The following COMMD5 variants were observed in gnomAD, a reference collection of about 807,000 sequenced individuals.
The protein encoded by COMMD5 is COMM domain-containing protein 5.
A neutral mutation model predicts 6.9 loss-of-function variants in COMMD5; 10 were observed. The observed-to-expected ratio is 1.44, with a 90% CI of 0.89 to 2.45. The LOEUF (loss-of-function observed/expected upper bound fraction) is 2.45. COMMD5 is among the 30% of genes most tolerant of loss of function. The probability of loss-of-function intolerance (pLI) is 0.00; values close to 1 mark genes in which losing one functional copy is unlikely to be tolerated. For missense variants in COMMD5, 234 were observed against 287.8 expected (o/e 0.81, Z 1.35); for synonymous variants, 127 against 125.3 (o/e 1.01, Z -0.09).
At chr8:144,842,008 A>G in intron 1 of COMMD5, 1 of 1,614,204 alleles carries the variant, frequency 6.2e-7, no homozygotes, top group Non-Finnish European at 8.5e-7. Context: ...AAGAATCCAC[A>G]CTGGGGAGAA....
rs1830688595 is a variant in COMMD5, at chr8:144,850,588, AAG to A, written c.*74_*75del. Reference sequence around the variant, plus strand: ...ATGGGAAGGGCAGGGCTGTCGTGGGAAGAGTCAGCTGCACTTTGGCACCATCT... The same window carrying A: ...ATGGGAAGGGCAGGGCTGTCGTGGGAAGTCAGCTGCACTTTGGCACCATCT... On this transcript the variant is annotated 3_prime_UTR_variant, in exon 2 of 2. Transcript: ENST00000305103. The surrounding 1 kb of genome is among the most constrained non-coding windows in gnomAD (Gnocchi z 4.0). The A allele has an allele frequency of 3.3e-6, 5 of 1,500,046 alleles. No homozygotes were observed. In the South Asian group the frequency reaches 5.0e-5, roughly 15 times the overall value. The allele number at this position is 1,500,046 out of a possible 1,614,324, so 92.9% of individuals were successfully genotyped here.
chr8:144,847,645 C>T (rs533184237), downstream of COMMD5: 7 of 152,284 alleles, frequency 4.6e-5, no homozygotes, highest in East Asian at 1.3e-3. Flanking sequence ...TTTATAAATC[C>T]TCAAGTCCCC....
Position 144,842,024 on chromosome 8 carries a change from A to G in COMMD5, c.*117-281T>C, listed in dbSNP as rs746650017. On this transcript the variant is annotated intron_variant and NMD_transcript_variant, in intron 1 of 1. Coordinates refer to the COMMD5 transcript ENST00000530332. Reference sequence around the variant, plus strand: ...AGAATCCACACTGGGGAGAAGCCCTACAGATGTGAGGAATGTGGAAAAGCT... The same window carrying G: ...AGAATCCACACTGGGGAGAAGCCCTGCAGATGTGAGGAATGTGGAAAAGCT... 59 of 1,614,108 alleles carry G rather than the reference A, an allele frequency of 3.7e-5. No individual in the cohort carries two copies. Among genetic ancestry groups the G allele is most frequent in the Admixed American group, 2.0e-4 (12 of 60,004 alleles).
chr8:144,842,910 AAT>A (rs1254977519), intron 1 of COMMD5: 1 of 1,614,084 alleles, frequency 6.2e-7, no homozygotes, highest in East Asian at 2.2e-5. Flanking sequence ...AACACCAGAG[AAT>A]ACACACTAGG....
intron 1 of COMMD5, chr8:144,842,796 T>G (rs372273522): frequency 1.2e-6 from 2 of 1,614,024 alleles, no homozygotes; most frequent in African/African-American, 2.7e-5. Context: ...AAGCCTTCAG[T>G]CAAAACTCAA....
chr8:144,850,903 C>G lies in COMMD5; in HGVS notation c.436G>C (p.Gly146Arg), dbSNP rs754071595. 7 of 1,609,598 alleles carry G rather than the reference C, an allele frequency of 4.3e-6. No individual in the cohort carries two copies. The South Asian group carries it at 7.7e-5, about 18-fold the overall frequency. Reference sequence around the variant, plus strand: ...TCAGCAACATGCGGCAGCCAGGCCCCCTGCTGCTGGGCCACAGAATCAAGG... The same window carrying G: ...TCAGCAACATGCGGCAGCCAGGCCCGCTGCTGCTGGGCCACAGAATCAAGG... Reference protein sequence around the residue: ...PLLDSVAQQQGAWLPHVADFR... With the variant: ...PLLDSVAQQQRAWLPHVADFR... Residue 146 changes from glycine (G) to arginine (R), a missense_variant, in exon 2 of 2, where the codon GGG becomes CGG. By Grantham distance (125) the Gly-to-Arg change is moderately radical. Coordinates refer to ENST00000305103, the MANE Select transcript of COMMD5 (RefSeq NM_014066.4). This position sits in a 1 kb window ranked among gnomAD's most constrained non-coding sequence, Gnocchi z 4.0.
At chr8:144,846,419 C>G, downstream of COMMD5, 1 of 475,428 alleles carries the variant, frequency 2.1e-6, no homozygotes. Flanking sequence ...TGACTGTGCA[C>G]AGTGTCCCTG....
chr8:144,850,633 C>A lies in COMMD5; in HGVS notation c.*31G>T. The A allele has an allele frequency of 6.3e-7, 1 of 1,591,504 alleles. No individual in the cohort carries two copies. The highest frequency in any genetic ancestry group is 2.3e-5 in the East Asian group (1 of 44,406). On this transcript the variant is annotated 3_prime_UTR_variant, in exon 2 of 2. Transcript: ENST00000305103. This position sits in a 1 kb window ranked among gnomAD's most constrained non-coding sequence, Gnocchi z 4.0. Reference sequence around the variant, plus strand: ...CACCATCTCAGGTGCCTGTCCAAGCCGGATCTGAATGGGACTGGTCAAGTG... The same window carrying A: ...CACCATCTCAGGTGCCTGTCCAAGCAGGATCTGAATGGGACTGGTCAAGTG...
chr8:144,852,256 G>A (rs1252551617), intron 1 of COMMD5: 1 of 152,248 alleles, frequency 6.6e-6, no homozygotes, highest in East Asian at 1.9e-4. Context: ...AAGGACTGAA[G>A]CCTAGACCTG....
chr8:144,851,467 G>C, intron 1 of COMMD5, 72 bp from the exon 2 acceptor site: 1 of 995,958 alleles, frequency 1.0e-6, no homozygotes, highest in Non-Finnish European at 1.5e-6. Context: ...GGTTGATATG[G>C]TCCCCATCAT....
downstream of COMMD5, among the ~76,000 whole-genome samples, chr8:144,849,181 C>T (rs1830632117): frequency 6.6e-6 from 1 of 152,220 alleles, no homozygotes; most frequent in Non-Finnish European, 1.5e-5. Flanking sequence ...GCCCCAGCCC[C>T]ATCCACATCT....
intron 1 of COMMD5, among the ~76,000 whole-genome samples, chr8:144,844,808 G>C (rs892320359): frequency 6.6e-6 from 1 of 151,874 alleles, no homozygotes; most frequent in African/African-American, 2.4e-5. Flanking sequence ...GGTGATGAGA[G>C]GGAGTGGGGA....
intron 1 of COMMD5, among the ~76,000 whole-genome samples, chr8:144,844,709 C>CAAAAAAAAAAAAAAAA (rs71320849): frequency 1.1e-5 from 1 of 88,616 alleles, no homozygotes; most frequent in African/African-American, 4.2e-5. Flanking sequence ...GACTCTGTAT[C>CAAAAAAAAAAAAAAAA]AAAAAAAAAA....
At chr8:144,838,449 T>G, downstream of COMMD5, 1 of 368,972 alleles carries the variant, frequency 2.7e-6, no homozygotes, top group African/African-American at 2.1e-5. Context: ...CTCCCCTGCT[T>G]AGCCGGTGTG....
At chr8:144,843,327 T>C (rs149070948) in intron 1 of COMMD5, 9,275 of 878,128 alleles carry the variant, frequency 0.011, 173 homozygotes, top group Admixed American at 0.07. Flanking sequence ...TGGTGGCTTA[T>C]GCCTGTCATC....
At chr8:144,838,201 G>T (rs779720009), downstream of COMMD5, 17 of 698,446 alleles carry the variant, frequency 2.4e-5, no homozygotes, top group Middle Eastern at 4.6e-4. Context: ...TTCTCCCTGC[G>T]TGTCTGTGTT....
In COMMD5 at chr8:144,851,105, C is replaced by T. The variant is rs749659702; in HGVS notation, c.234G>A (p.Pro78=). 1.6e-5 allele frequency: 26 copies of T among 1,611,972 alleles called. No homozygotes were observed. The highest frequency in any genetic ancestry group is 1.7e-4 in the Middle Eastern group (1 of 6,046). The part of the protein sequence containing the change: ...VQRLGVSANL[P]EEQLGALLAG... ...CCAGCAGGGCACCCAGCTGCTCCTC[C>T]GGCAGGTTGGCGCTGACCCCAAGAC... Residue 78 remains proline, a synonymous_variant, in exon 2 of 2, where the codon CCG becomes CCA. Coordinates refer to ENST00000305103, the MANE Select transcript of COMMD5 (RefSeq NM_014066.4).
At chr8:144,843,505 A>G (rs572734910) in intron 1 of COMMD5, 294 of 173,160 alleles carry the variant, frequency 1.7e-3, no homozygotes, top group Non-Finnish European at 2.4e-3. Context: ...GGAGAATGGC[A>G]TCAGCCCAGG....
chr8:144,841,495 G>A (rs777669770), exon 2 of COMMD5: 13 of 1,614,030 alleles, frequency 8.1e-6, no homozygotes, highest in South Asian at 1.1e-5. Flanking sequence ...TGATTCTGAG[G>A]TCTGGTTAGA....
Sources: gnomAD v4.1 joint callset for allele counts (sites outside exome capture counted in the v4.1 genomes callset) on GRCh38, gnomAD v4.1.1 for gene constraint, Gnocchi (gnomAD v3.1) non-coding constraint, MANE v1.5 for transcripts, NCBI Gene and HGNC (gene_info 2026-07-23, HGNC 2026-07-21) for gene names.